LRRFIP1: variants seen among roughly 807,000 people sequenced by gnomAD.
LRRFIP1 encodes LRR binding FLII interacting protein 1.
In LRRFIP1, 62 loss-of-function variants were observed where a neutral mutation model predicts 104.4. The ratio of observed to expected loss-of-function variants is 0.59; its 90% CI spans 0.48 to 0.73. The LOEUF is 0.73. Ranked by LOEUF, LRRFIP1 falls within the 30% of genes least tolerant of loss-of-function variation. LRRFIP1 has a pLI of 0.00. For synonymous variants in LRRFIP1, 300 were observed against 299.0 expected, an observed-to-expected ratio of 1.00 and a Z score of -0.03; for missense variants, 796 against 824.5, an observed-to-expected ratio of 0.97 and a Z score of 0.42.
intron 1 of LRRFIP1, among the ~76,000 whole-genome samples, chr2:237,631,358 G>A (rs1198097348): frequency 6.6e-6 from 1 of 152,196 alleles, no homozygotes. Context: ...CTCGTGGTGG[G>A]GGCAGCCTTT....
chr2:237,669,684 T>C (rs1223679699), intron 1 of LRRFIP1, among the ~76,000 whole-genome samples: 3 of 151,796 alleles, frequency 2.0e-5, no homozygotes, highest in Non-Finnish European at 2.9e-5. Context: ...AGCAGAGGAG[T>C]GAGTGCTAAA....
At chr2:237,773,137 G>C (rs1263972872) in intron 22 of LRRFIP1, among the ~76,000 whole-genome samples, 192 bp downstream of exon 22, 1 of 152,190 alleles carries the variant, frequency 6.6e-6, no homozygotes, top group Non-Finnish European at 1.5e-5. Flanking sequence ...AGAATTCTTA[G>C]AATTTAAGTT....
chr2:237,656,569 G>C (rs1200011495), intron 1 of LRRFIP1, among the ~76,000 whole-genome samples: 1 of 152,158 alleles, frequency 6.6e-6, no homozygotes, highest in Non-Finnish European at 1.5e-5. Flanking sequence ...ATGGTGCCTG[G>C]TATTCCTGCG....
At chr2:237,682,245 G>C (rs1048339482) in intron 1 of LRRFIP1, among the ~76,000 whole-genome samples, 1 of 152,222 alleles carries the variant, frequency 6.6e-6, no homozygotes, top group African/African-American at 2.4e-5. Flanking sequence ...TGAGCTGCCA[G>C]ACGGAATCTT....
intron 6 of LRRFIP1, among the ~76,000 whole-genome samples, chr2:237,722,311 A>G (rs1308172470): frequency 1.3e-5 from 2 of 152,186 alleles, no homozygotes; most frequent in Admixed American, 1.3e-4. Context: ...CTGAAATTGT[A>G]GGCACAATTT....
In LRRFIP1 at chr2:237,748,463, T is replaced by C. The variant is rs78902228; in HGVS notation, c.669+64T>C. On this transcript the variant is annotated intron_variant, in intron 12 of 23. Coordinates refer to ENST00000308482, the MANE Select transcript of LRRFIP1 (RefSeq NM_001137550.2). ...TGTGGATGAAATTGATAAGAAAATA[T>C]GTTGCTTGGTTTTTTTTAATAAGGA... The C allele has an allele frequency of 6.7e-3, 9,511 of 1,428,912 alleles. 436 individuals are homozygous for C. In the African/African-American group the frequency reaches 0.11, roughly 16 times the overall value. The allele number at this position is 1,428,912 out of a possible 1,614,324, so 88.5% of individuals were successfully genotyped here.
At chr2:237,642,968 T>A (rs1188326903) in intron 1 of LRRFIP1, among the ~76,000 whole-genome samples, 1 of 152,180 alleles carries the variant, frequency 6.6e-6, no homozygotes, top group Non-Finnish European at 1.5e-5. Context: ...ACCTCCTCTA[T>A]AAGGTGGGAT....
At chr2:237,644,373 T>C (rs1394955788) in intron 1 of LRRFIP1, among the ~76,000 whole-genome samples, 1 of 152,180 alleles carries the variant, frequency 6.6e-6, no homozygotes, top group African/African-American at 2.4e-5. Flanking sequence ...GCCAGAGGAA[T>C]TTAGGTGTAT....
At chr2:237,670,293 A>G (rs2090130474) in intron 1 of LRRFIP1, among the ~76,000 whole-genome samples, 1 of 152,180 alleles carries the variant, frequency 6.6e-6, no homozygotes, top group Non-Finnish European at 1.5e-5. Flanking sequence ...TGGGCAGGTC[A>G]CTGGTCAAGC....
intron 1 of LRRFIP1, among the ~76,000 whole-genome samples, chr2:237,690,949 C>T (rs1487874113): frequency 6.9e-6 from 1 of 145,920 alleles, no homozygotes; most frequent in Admixed American, 6.6e-5. Context: ...TTTGCTCGGC[C>T]CCTCTTTTCC....
At chr2:237,771,302 C>CA (rs61685773) in intron 20 of LRRFIP1, among the ~76,000 whole-genome samples, 2,148 of 109,662 alleles carry the variant, frequency 0.02, 17 homozygotes, top group Non-Finnish European at 0.03. Flanking sequence ...TGAAATATTC[C>CA]AAAAAAAAAA....
At chr2:237,698,223 AT>A (rs1002658867) in intron 1 of LRRFIP1, among the ~76,000 whole-genome samples, 2 of 152,244 alleles carry the variant, frequency 1.3e-5, no homozygotes, top group African/African-American at 4.8e-5. Flanking sequence ...TGTACAAATA[AT>A]TCACCTCTGG....
chr2:237,726,714 G>A (rs770362483), intron 7 of LRRFIP1, among the ~76,000 whole-genome samples: 9 of 152,164 alleles, frequency 5.9e-5, no homozygotes, highest in Admixed American at 1.3e-4. Context: ...ATTTTTACCA[G>A]TTGTGTAGAC....
At chr2:237,770,260 A>C (rs2060504253) in intron 20 of LRRFIP1, 3 of 403,102 alleles carry the variant, frequency 7.4e-6, no homozygotes, top group African/African-American at 2.0e-5. Context: ...CATTTTACTG[A>C]ATTGCTGCTT....
At chr2:237,640,424 G>T (rs139722727) in intron 1 of LRRFIP1, among the ~76,000 whole-genome samples, 50 of 152,146 alleles carry the variant, frequency 3.3e-4, no homozygotes, top group African/African-American at 1.1e-3. Flanking sequence ...CACACCTCTT[G>T]TCTGCATCTT....
At chr2:237,752,082 A>T (rs2058692878) in intron 14 of LRRFIP1, among the ~76,000 whole-genome samples, 1 of 152,186 alleles carries the variant, frequency 6.6e-6, no homozygotes, top group Admixed American at 6.5e-5. Context: ...AAAGGGGGAA[A>T]AATAAGACTC....
rs557388560 is a variant in LRRFIP1 at position 237,734,699 on chromosome 2, C to T, written c.490-569C>T. 9.2e-5 allele frequency among the ~76,000 whole-genome samples: 14 copies of T among 152,230 alleles called. No individual in the cohort carries two copies. The South Asian group carries it at 2.5e-3, about 27-fold the overall frequency. On this transcript the variant is annotated intron_variant, in intron 9 of 23. Coordinates refer to ENST00000308482, the MANE Select transcript of LRRFIP1 (RefSeq NM_001137550.2). The stretch of plus-strand genomic sequence containing the variant: ...TAGGGAAATTAAAGTTCCTTTATAC[C>T]GGGCAAAGTTTGACATCACCATTTG...
rs531028609 is a variant in LRRFIP1 at position 237,681,914 on chromosome 2, C to T, written c.97-26630C>T. Among the ~76,000 whole-genome samples, 454 of 151,710 alleles carry T rather than the reference C, an allele frequency of 3.0e-3. 5 individuals carry two copies. Among genetic ancestry groups the T allele is most frequent in the Middle Eastern group, 0.01 (3 of 294 alleles). Reference sequence around the variant, plus strand: ...TGGGATGGTCTCGATCTCCTGACCTCGTGATCCGCCCGCCTCGGCCTCCCA... The same window carrying T: ...TGGGATGGTCTCGATCTCCTGACCTTGTGATCCGCCCGCCTCGGCCTCCCA... On this transcript the variant is annotated intron_variant, in intron 1 of 23. Transcript: ENST00000308482.
intron 2 of LRRFIP1, among the ~76,000 whole-genome samples, chr2:237,713,911 A>G (rs1426161113): frequency 6.6e-6 from 1 of 152,180 alleles, no homozygotes; most frequent in Non-Finnish European, 1.5e-5. Flanking sequence ...TTTTGATTAA[A>G]CTTTTATTAC....
Sources: gnomAD v4.1 joint callset for allele counts (sites outside exome capture counted in the v4.1 genomes callset) on GRCh38, gnomAD v4.1.1 for gene constraint, MANE v1.5 for transcripts, NCBI Gene and HGNC (gene_info 2026-07-23, HGNC 2026-07-21) for gene names.